The following ANKIB1 variants were observed in gnomAD, a reference collection of about 807,000 sequenced individuals.
ANKIB1 encodes ankyrin repeat and IBR domain-containing protein 1.
A neutral mutation model predicts 122.1 loss-of-function variants in ANKIB1; 43 were observed. The ratio of observed to expected loss-of-function variants is 0.35; its 90% CI spans 0.28 to 0.45. ANKIB1 has a LOEUF of 0.45. ANKIB1 is among the 20% of genes least tolerant of loss of function. The probability of loss-of-function intolerance (pLI) is 1.00; values close to 1 mark genes in which losing one functional copy is unlikely to be tolerated. For missense variants in ANKIB1, 992 were observed against 1,329.5 expected (o/e 0.75, Z 3.95); for synonymous variants, 390 against 442.0 (o/e 0.88, Z 1.48).
chr7:92,290,234 G>T (rs1802216858), intron 1 of ANKIB1, among the ~76,000 whole-genome samples: 1 of 152,228 alleles, frequency 6.6e-6, no homozygotes, highest in Non-Finnish European at 1.5e-5. Flanking sequence ...GTGGGATGGG[G>T]TTGTGTTGGG....
chr7:92,290,093 A>C (rs1802214688), intron 1 of ANKIB1, among the ~76,000 whole-genome samples: 1 of 152,278 alleles, frequency 6.6e-6, no homozygotes, highest in African/African-American at 2.4e-5. Flanking sequence ...CTGGAATTAC[A>C]GGCGTAAGCC....
chr7:92,335,584 T>G (rs535488076), intron 5 of ANKIB1, among the ~76,000 whole-genome samples: 4 of 152,114 alleles, frequency 2.6e-5, no homozygotes, highest in Admixed American at 2.6e-4. Context: ...ACATTTATAA[T>G]TATGTCTTTC....
At chr7:92,301,450 A>T (rs556157776) in intron 2 of ANKIB1, among the ~76,000 whole-genome samples, 1 of 152,156 alleles carries the variant, frequency 6.6e-6, no homozygotes, top group Non-Finnish European at 1.5e-5. Context: ...GTGATGTTGA[A>T]CATTTTTTAT....
chr7:92,340,458 A>C (rs1358309049), intron 5 of ANKIB1, among the ~76,000 whole-genome samples: 1 of 152,230 alleles, frequency 6.6e-6, no homozygotes, highest in Non-Finnish European at 1.5e-5. Context: ...ATTATAGATC[A>C]GTGGGGAAAG....
intron 2 of ANKIB1, among the ~76,000 whole-genome samples, chr7:92,303,190 A>T (rs1218818985): frequency 6.6e-6 from 1 of 152,204 alleles, no homozygotes; most frequent in African/African-American, 2.4e-5. Flanking sequence ...TCTCTTATTC[A>T]AAATGAGTGG....
At chr7:92,370,460 A>G (rs965572163) in intron 10 of ANKIB1, among the ~76,000 whole-genome samples, 1 of 138,946 alleles carries the variant, frequency 7.2e-6, no homozygotes, top group Non-Finnish European at 1.5e-5. Context: ...GTGAGCCGAG[A>G]TCGAGCCACT....
intron 2 of ANKIB1, 130 bp from the exon 3 acceptor site, chr7:92,307,229 G>C (rs1802578965): frequency 2.3e-6 from 2 of 887,050 alleles, no homozygotes; most frequent in East Asian, 2.7e-5. Context: ...TTGTAAACCA[G>C]ACCCTCAGTA....
intron 9 of ANKIB1, among the ~76,000 whole-genome samples, chr7:92,355,848 CATAATAATA>C (rs5885805): frequency 0.011 from 1,513 of 143,344 alleles, 11 homozygotes; most frequent in Non-Finnish European, 0.012. Flanking sequence ...GACTCCGTCT[CATAATAATA>C]ATAATAATAA....
chr7:92,339,267 C>T (rs929653418), intron 5 of ANKIB1, among the ~76,000 whole-genome samples: 1 of 151,748 alleles, frequency 6.6e-6, no homozygotes, highest in Admixed American at 6.6e-5. Flanking sequence ...TGGTCTTGAT[C>T]TCCTGACCTG....
intron 9 of ANKIB1, among the ~76,000 whole-genome samples, chr7:92,358,069 C>T (rs990106863): frequency 3.3e-5 from 5 of 151,948 alleles, no homozygotes; most frequent in South Asian, 2.1e-4. Flanking sequence ...GGTGAAACCC[C>T]GTCTCTACTA....
At chr7:92,291,567 C>CTTTTTTTTTTTT (rs1188174295) in intron 1 of ANKIB1, among the ~76,000 whole-genome samples, 2 of 116,520 alleles carry the variant, frequency 1.7e-5, no homozygotes, top group East Asian at 2.6e-4. Context: ...TTTTCTTTTT[C>CTTTTTTTTTTTT]TTTTTTTTTT....
Position 92,397,718 on chromosome 7 carries a change from A to C in ANKIB1, c.2396-5A>C, listed in dbSNP as rs748887203. 4 of 1,610,394 alleles carry C rather than the reference A, an allele frequency of 2.5e-6. No homozygotes were observed. Among genetic ancestry groups the C allele is most frequent in the Non-Finnish European group, 3.4e-6 (4 of 1,178,814 alleles). On this transcript the variant is annotated splice_region_variant and splice_polypyrimidine_tract_variant and intron_variant, in intron 18 of 19. Coordinates refer to ENST00000265742, the MANE Select transcript of ANKIB1 (RefSeq NM_019004.2). The stretch of plus-strand genomic sequence containing the variant: ...TTGTCTTTGGTACCAATTGCTTTGA[A>C]ACAGATATTCCAGAAGGCGGCAGCA...
chr7:92,291,293 CAAA>C (rs1437355363), intron 1 of ANKIB1, among the ~76,000 whole-genome samples: 5 of 93,208 alleles, frequency 5.4e-5, no homozygotes, highest in East Asian at 3.0e-4. Flanking sequence ...GATCCCGTCT[CAAA>C]AAAAAAAAAA....
intron 2 of ANKIB1, among the ~76,000 whole-genome samples, chr7:92,303,626 G>A (rs193196722): frequency 2.1e-4 from 32 of 152,222 alleles, no homozygotes; most frequent in African/African-American, 7.2e-4. Flanking sequence ...CCATCATCAT[G>A]GGTAAAAGAG....
At position 92,392,834 on chromosome 7, in the gene ANKIB1, G is replaced by A. The variant is rs1421990767; in HGVS notation, c.2283+542G>A. Reference sequence around the variant, plus strand: ...TTTTTGTTGTCATTATTAATATACCGTTTTGAAATACAGAAGGTCTAAATT... The same window carrying A: ...TTTTTGTTGTCATTATTAATATACCATTTTGAAATACAGAAGGTCTAAATT... On this transcript the variant is annotated intron_variant, in intron 17 of 19. Transcript: ENST00000265742. Among the ~76,000 whole-genome samples, 5 of 152,032 alleles carry A rather than the reference G, an allele frequency of 3.3e-5. 1 individual carries two copies. The highest frequency in any genetic ancestry group is 3.9e-4 in the East Asian group (2 of 5,184).
chr7:92,339,177 G>A (rs1468078604), intron 5 of ANKIB1, among the ~76,000 whole-genome samples: 3 of 149,150 alleles, frequency 2.0e-5, no homozygotes, highest in Non-Finnish European at 1.5e-5. Context: ...GAGTAGCTGG[G>A]ACAACAGGCA....
intron 9 of ANKIB1, among the ~76,000 whole-genome samples, chr7:92,360,272 T>A (rs1307252635): frequency 6.6e-6 from 1 of 152,212 alleles, no homozygotes; most frequent in Non-Finnish European, 1.5e-5. Flanking sequence ...ACTTTCTTTC[T>A]CTATGAATTT....
chr7:92,254,309 C>T (rs1369476014), intron 1 of ANKIB1, among the ~76,000 whole-genome samples: 1 of 152,116 alleles, frequency 6.6e-6, no homozygotes, highest in African/African-American at 2.4e-5. Flanking sequence ...TAACTGTGTT[C>T]ATTTTGGACA....
At chr7:92,369,342 A>G (rs573626886) in intron 10 of ANKIB1, among the ~76,000 whole-genome samples, 3 of 152,300 alleles carry the variant, frequency 2.0e-5, no homozygotes, top group East Asian at 3.9e-4. Context: ...TTAAAAACCA[A>G]TGCTTTTACA....
Sources: allele counts gnomAD v4.1 joint callset (sites outside exome capture counted in the v4.1 genomes callset), GRCh38; gene constraint gnomAD v4.1.1; transcripts MANE v1.5; gene names NCBI Gene and HGNC (gene_info 2026-07-23, HGNC 2026-07-21).